KCNQ4: variants seen among roughly 807,000 people sequenced by gnomAD.
The protein encoded by KCNQ4 is potassium voltage-gated channel subfamily KQT member 4.
A neutral mutation model predicts 72.6 loss-of-function variants in KCNQ4; 31 were observed. That is an observed-to-expected ratio of 0.43 (90% CI 0.32 to 0.58). The LOEUF (loss-of-function observed/expected upper bound fraction) is 0.58, where lower values mean the gene tolerates loss of function less well. Ranked by LOEUF, KCNQ4 falls within the 20% of genes least tolerant of loss-of-function variation. KCNQ4 has a pLI of 0.08. For synonymous variants in KCNQ4, 405 were observed against 403.7 expected, an observed-to-expected ratio of 1.00 and a Z score of -0.04; for missense variants, 869 against 962.6, an observed-to-expected ratio of 0.90 and a Z score of 1.29.
chr1:40,818,325 A>G, intron 3 of KCNQ4, 35 bp downstream of exon 3: 4 of 1,612,250 alleles, frequency 2.5e-6, no homozygotes, highest in Non-Finnish European at 3.4e-6. Context: ...CTGACCCCTG[A>G]CCCCAGGAGC....
At chr1:40,819,618 C>T in intron 5 of KCNQ4, 146 bp downstream of exon 5, 1 of 1,113,082 alleles carries the variant, frequency 9.0e-7, no homozygotes, top group Non-Finnish European at 1.3e-6. Context: ...CTGAGACCAG[C>T]CCCAATGCTA....
At chr1:40,799,360 T>C (rs909088901) in intron 1 of KCNQ4, among the ~76,000 whole-genome samples, 1 of 152,116 alleles carries the variant, frequency 6.6e-6, no homozygotes, top group Non-Finnish European at 1.5e-5. Context: ...CAGGAGTGTT[T>C]GGGGCTCATC....
At chr1:40,789,535 TTCC>T (rs1647241065) in intron 1 of KCNQ4, among the ~76,000 whole-genome samples, 1 of 152,146 alleles carries the variant, frequency 6.6e-6, no homozygotes, top group South Asian at 2.1e-4. Flanking sequence ...TTATACTGCC[TTCC>T]TCCTCCTCCT....
At chr1:40,811,457 A>G (rs1308154163) in intron 1 of KCNQ4, among the ~76,000 whole-genome samples, 1 of 152,228 alleles carries the variant, frequency 6.6e-6, no homozygotes, top group Non-Finnish European at 1.5e-5. Context: ...GTAGAAAGGC[A>G]TATTTTCCAC....
chr1:40,794,908 C>G lies in KCNQ4; in HGVS notation c.314+10501C>G, dbSNP rs1309359403. On this transcript the variant is annotated intron_variant, in intron 1 of 13. Transcript: ENST00000347132. This position sits in a 1 kb window ranked among gnomAD's most constrained non-coding sequence, Gnocchi z 4.2. The stretch of plus-strand genomic sequence containing the variant: ...ACAGAGGGATCAGGGGACAGAGGAG[C>G]CTCAGGTCCCGCACTTTGCAGTGAG... 6.7e-6 allele frequency among the ~76,000 whole-genome samples: 1 copy of G among 148,560 alleles called. No homozygotes were observed. The highest frequency in any genetic ancestry group is 2.5e-5 in the African/African-American group (1 of 40,084).
chr1:40,803,868 G>C (rs1647658232), intron 1 of KCNQ4, among the ~76,000 whole-genome samples: 1 of 152,154 alleles, frequency 6.6e-6, no homozygotes, highest in Non-Finnish European at 1.5e-5. Flanking sequence ...CCACCCACTG[G>C]GTGGGGTCCT....
chr1:40,784,220 C>A lies in KCNQ4; in HGVS notation c.127C>A (p.Arg43Ser). The change falls in exon 1 of 14, where the codon CGC becomes AGC. Residue 43 changes from arginine (R) to serine (S), a missense_variant. Arg to Ser is a moderately radical substitution (Grantham distance 110). Around this residue, in one of 5 missense-constraint regions of KCNQ4, gnomAD observed 178 missense variants for 145.3 expected, o/e 1.22. Transcript: ENST00000347132. The surrounding 1 kb of genome is among the most constrained non-coding windows in gnomAD (Gnocchi z 4.1). ...QGEAGGGGSP[R>S]RLGLLGSPLP... Reference sequence around the variant, plus strand: ...CGAGGCGGGCGGGGGCGGCTCCCCGCGCCGCCTCGGCCTCCTGGGCAGCCC... The same window carrying A: ...CGAGGCGGGCGGGGGCGGCTCCCCGAGCCGCCTCGGCCTCCTGGGCAGCCC... 8.5e-7 allele frequency: 1 copy of A among 1,175,038 alleles called. No homozygotes were observed. Among genetic ancestry groups the A allele is most frequent in the Non-Finnish European group, 1.0e-6 (1 of 956,042 alleles). The allele number at this position is 1,175,038 out of a possible 1,614,324, so 72.8% of individuals were successfully genotyped here.
chr1:40,840,356 C>G lies in KCNQ4; in HGVS notation c.*1833C>G, dbSNP rs1406530771. The G allele has an allele frequency of 6.6e-6, 1 of 152,236 alleles. No individual in the cohort carries two copies. Among genetic ancestry groups the G allele is most frequent in the African/African-American group, 2.4e-5 (1 of 41,452 alleles). 9.4% of individuals were successfully genotyped at this position (152,236 alleles called of 1,614,324 possible). ...TGGGAAGAAGCCCTCCTTCCTTCCA[C>G]GATCGAGGTTCCGCCATCAACTCGG... is the stretch of plus-strand genomic sequence containing the variant. On this transcript the variant is annotated 3_prime_UTR_variant, in exon 14 of 14. Transcript: ENST00000347132.
At chr1:40,809,161 T>C (rs748406159) in intron 1 of KCNQ4, among the ~76,000 whole-genome samples, 6 of 152,198 alleles carry the variant, frequency 3.9e-5, no homozygotes, top group Non-Finnish European at 8.8e-5. Flanking sequence ...TCTCTGACAC[T>C]TCTCTCTTCT....
intron 1 of KCNQ4, among the ~76,000 whole-genome samples, chr1:40,793,004 C>CTTTTTTTTTTTTTTTTTTTTTTTTTT (rs10549805): frequency 9.2e-6 from 1 of 109,076 alleles, no homozygotes; most frequent in Non-Finnish European, 1.8e-5. Context: ...TTCTTTCTTT[C>CTTTTTTTTTTTTTTTTTTTTTTTTTT]TTTTTTTTTT....
At chr1:40,797,572 G>A (rs936828870) in intron 1 of KCNQ4, among the ~76,000 whole-genome samples, 1 of 152,168 alleles carries the variant, frequency 6.6e-6, no homozygotes, top group African/African-American at 2.4e-5. Flanking sequence ...GATGTCAGGA[G>A]TAACATGGCA....
At chr1:40,799,467 G>T (rs965600755) in intron 1 of KCNQ4, among the ~76,000 whole-genome samples, 1 of 151,752 alleles carries the variant, frequency 6.6e-6, no homozygotes, top group African/African-American at 2.4e-5. Flanking sequence ...CACTGCCGTC[G>T]CCTGGGAGAC....
chr1:40,798,306 G>C (rs1393460405), intron 1 of KCNQ4, among the ~76,000 whole-genome samples: 2 of 152,166 alleles, frequency 1.3e-5, no homozygotes, highest in African/African-American at 2.4e-5. Context: ...GGGCTGGCCT[G>C]GGCTTAGGCA....
chr1:40,802,770 C>A (rs12727027), intron 1 of KCNQ4, among the ~76,000 whole-genome samples: 1 of 152,200 alleles, frequency 6.6e-6, no homozygotes, highest in Non-Finnish European at 1.5e-5. Context: ...CCAAGCCTTT[C>A]TGCAACCCCT....
Position 40,819,985 on chromosome 1 carries a change from C to A in KCNQ4, c.945C>A (p.Ala315=). The A allele has an allele frequency of 6.2e-7, 1 of 1,612,842 alleles. No individual in the cohort carries two copies. The highest frequency in any genetic ancestry group is 8.5e-7 in the Non-Finnish European group (1 of 1,178,804). Residue 315 remains alanine (A), a splice_region_variant and synonymous_variant, in exon 6 of 14, where the codon GCC becomes GCA. Transcript: ENST00000347132. ...GCATCTCTTTCTTTGCCCTGCCTGCCGTGAGTTGCCTCCTGCTCAGTTGGT... is the reference window on the plus strand; with the variant it reads ...GCATCTCTTTCTTTGCCCTGCCTGCAGTGAGTTGCCTCCTGCTCAGTTGGT... ...LLGISFFALP[A]GILGSGFALK... is the part of the protein sequence containing the mutation.
At position 40,817,266 on chromosome 1, in the gene KCNQ4, T is replaced by A; in HGVS notation, c.316T>A (p.Phe106Ile). The A allele has an allele frequency of 6.2e-7, 1 of 1,613,252 alleles. No homozygotes were observed. The highest frequency in any genetic ancestry group is 1.1e-5 in the South Asian group (1 of 90,744). ...GWAFVYHVFI[F>I]LLVFSCLVLS... ...CTCTCCCTCATGTTGTAATTGCAGATTTTTGCTGGTCTTCAGCTGCCTGGT... is the reference window on the plus strand; with the variant it reads ...CTCTCCCTCATGTTGTAATTGCAGAATTTTGCTGGTCTTCAGCTGCCTGGT... The change falls in exon 2 of 14, where the codon TTT becomes ATT. Residue 106 changes from phenylalanine to isoleucine, a missense_variant and splice_region_variant. Phe to Ile is a conservative substitution (Grantham distance 21). Around this residue, in one of 5 missense-constraint regions of KCNQ4, gnomAD observed 178 missense variants for 145.3 expected, o/e 1.22. Transcript: ENST00000347132. The surrounding 1 kb of genome is among the most constrained non-coding windows in gnomAD (Gnocchi z 5.5).
At position 40,839,328 on chromosome 1, in the gene KCNQ4, TAGTC is replaced by T. The variant is rs1339101972; in HGVS notation, c.*808_*811del. On this transcript the variant is annotated 3_prime_UTR_variant, in exon 14 of 14. Transcript: ENST00000347132. Reference sequence around the variant, plus strand: ...TCCTTGGCCCTCCAGACACCACTCATAGTCAGCACAGGTTTCTGTATCCTCCCCA... The same window carrying T: ...TCCTTGGCCCTCCAGACACCACTCATAGCACAGGTTTCTGTATCCTCCCCA... 4 of 152,446 alleles carry T rather than the reference TAGTC, an allele frequency of 2.6e-5. No homozygotes were observed. Among genetic ancestry groups the T allele is most frequent in the African/African-American group, 9.6e-5 (4 of 41,454 alleles). 9.4% of individuals were successfully genotyped at this position (152,446 alleles called of 1,614,324 possible).
chr1:40,807,521 C>G (rs1405803373), intron 1 of KCNQ4, among the ~76,000 whole-genome samples: 1 of 152,138 alleles, frequency 6.6e-6, no homozygotes, highest in Non-Finnish European at 1.5e-5. Context: ...TCCTCCCAGC[C>G]CCTGAGGATT....
chr1:40,823,876 C>G (rs1031321833), intron 8 of KCNQ4, among the ~76,000 whole-genome samples: 2 of 152,242 alleles, frequency 1.3e-5, no homozygotes, highest in African/African-American at 2.4e-5. Flanking sequence ...GCTGTGCCAG[C>G]CTTCACATCC....
Sources: gnomAD v4.1 joint callset for allele counts (sites outside exome capture counted in the v4.1 genomes callset) on GRCh38, gnomAD v4.1.1 for gene constraint, gnomAD v4.1.1 regional missense constraint, Gnocchi (gnomAD v3.1) non-coding constraint, MANE v1.5 for transcripts, NCBI Gene and HGNC (gene_info 2026-07-23, HGNC 2026-07-21) for gene names.